The following MARCHF3 variants were observed in gnomAD, a reference collection of about 807,000 sequenced individuals.
MARCHF3 encodes the protein E3 ubiquitin-protein ligase MARCHF3.
In MARCHF3, 13 loss-of-function variants were observed where a neutral mutation model predicts 24.2. The observed-to-expected ratio is 0.54, with a 90% CI of 0.35 to 0.85. MARCHF3 has a LOEUF of 0.85. Ranked by LOEUF, MARCHF3 falls within the 40% of genes least tolerant of loss-of-function variation. The pLI, the probability that MARCHF3 is intolerant of heterozygous loss-of-function variation, is 0.01. For synonymous variants in MARCHF3, 144 were observed against 137.3 expected, an observed-to-expected ratio of 1.05 and a Z score of -0.34; for missense variants, 276 against 325.0, an observed-to-expected ratio of 0.85 and a Z score of 1.16.
intron 1 of MARCHF3, among the ~76,000 whole-genome samples, chr5:126,968,889 T>C (rs60085452): frequency 0.014 from 2,067 of 152,308 alleles, 51 homozygotes; most frequent in African/African-American, 0.048. Context: ...AAGAATTCTT[T>C]ATATGTTCTG....
At chr5:126,976,733 T>G (rs970252826) in intron 1 of MARCHF3, among the ~76,000 whole-genome samples, 2 of 152,228 alleles carry the variant, frequency 1.3e-5, no homozygotes, top group Non-Finnish European at 2.9e-5. Context: ...CATCTGCAGT[T>G]GCACACATGG....
chr5:126,938,270 C>T (rs918713970), intron 1 of MARCHF3, among the ~76,000 whole-genome samples: 3 of 149,674 alleles, frequency 2.0e-5, no homozygotes, highest in Admixed American at 6.7e-5. Flanking sequence ...CAGGTTCAAG[C>T]GATTCTGATG....
chr5:127,017,401 C>G (rs965846509), intron 1 of MARCHF3, among the ~76,000 whole-genome samples: 4 of 152,142 alleles, frequency 2.6e-5, no homozygotes, highest in Non-Finnish European at 4.4e-5. Flanking sequence ...TCAAACTTCC[C>G]TCTTGTACAG....
At chr5:126,990,804 T>G (rs1751733497) in intron 1 of MARCHF3, among the ~76,000 whole-genome samples, 1 of 152,192 alleles carries the variant, frequency 6.6e-6, no homozygotes, top group Non-Finnish European at 1.5e-5. Flanking sequence ...AAAGTGCTCA[T>G]CATCACTGGT....
chr5:126,947,714 T>TA (rs749927542), intron 1 of MARCHF3, among the ~76,000 whole-genome samples: 77 of 152,208 alleles, frequency 5.1e-4, no homozygotes, highest in Non-Finnish European at 7.6e-4. Context: ...AACAAGTCTT[T>TA]AAAAAAATGA....
chr5:126,985,828 A>T (rs1751547993), intron 1 of MARCHF3, among the ~76,000 whole-genome samples: 1 of 152,086 alleles, frequency 6.6e-6, no homozygotes, highest in Admixed American at 6.6e-5. Flanking sequence ...GAAAACACAC[A>T]GTTGTTTTTG....
intron 3 of MARCHF3, among the ~76,000 whole-genome samples, chr5:126,904,603 G>A (rs1287703724): frequency 1.2e-4 from 18 of 150,072 alleles, no homozygotes; most frequent in Admixed American, 5.9e-4. Context: ...TTGGCTGCAT[G>A]AATGTCTTCT....
intron 1 of MARCHF3, among the ~76,000 whole-genome samples, chr5:126,961,667 A>T (rs1253886507): frequency 2.0e-5 from 3 of 152,154 alleles, no homozygotes; most frequent in East Asian, 1.9e-4. Context: ...TATTCTTTGG[A>T]TCTAATAAGA....
intron 1 of MARCHF3, among the ~76,000 whole-genome samples, chr5:126,941,622 A>G (rs75827735): frequency 0.014 from 2,076 of 152,308 alleles, 56 homozygotes; most frequent in African/African-American, 0.048. Context: ...CTAGGACTGC[A>G]TTAAAGTAAG....
chr5:126,965,855 A>G (rs975989957), intron 1 of MARCHF3, among the ~76,000 whole-genome samples: 3 of 152,254 alleles, frequency 2.0e-5, no homozygotes, highest in African/African-American at 4.8e-5. Context: ...TATATTTAAC[A>G]TATGACCCAA....
intron 1 of MARCHF3, among the ~76,000 whole-genome samples, chr5:126,961,972 G>A (rs959977468): frequency 6.6e-6 from 1 of 152,176 alleles, no homozygotes; most frequent in East Asian, 1.9e-4. Flanking sequence ...GGACAAGCTT[G>A]AGAGTGATAA....
In MARCHF3 at chr5:127,016,230, C is replaced by T. The variant is rs978593915; in HGVS notation, c.-57+14120G>A. On this transcript the variant is annotated intron_variant, in intron 1 of 4. Coordinates refer to ENST00000308660, the MANE Select transcript of MARCHF3 (RefSeq NM_178450.5). ...CACTGTGGGACTTAGAACACATTCCCTGCAGACAAGGGTGAACTACTGTTA... is the reference window on the plus strand; with the variant it reads ...CACTGTGGGACTTAGAACACATTCCTTGCAGACAAGGGTGAACTACTGTTA... Among the ~76,000 whole-genome samples, 9 of 152,234 alleles carry T rather than the reference C, an allele frequency of 5.9e-5. No individual in the cohort carries two copies. In the East Asian group the frequency reaches 1.4e-3, roughly 23 times the overall value.
rs542896525 is a variant in MARCHF3 at position 127,023,502 on chromosome 5, G to C, written c.-57+6848C>G. On this transcript the variant is annotated intron_variant, in intron 1 of 4. Coordinates refer to ENST00000308660, the MANE Select transcript of MARCHF3 (RefSeq NM_178450.5). Reference sequence around the variant, plus strand: ...CCCCAGCACTTTGGGAAGCTGAGGTGGGCAGATCACTTGAGGTCAGGAGTT... The same window carrying C: ...CCCCAGCACTTTGGGAAGCTGAGGTCGGCAGATCACTTGAGGTCAGGAGTT... Among the ~76,000 whole-genome samples, 4 of 152,208 alleles carry C rather than the reference G, an allele frequency of 2.6e-5. No homozygotes were observed. In the South Asian group the frequency reaches 8.3e-4, roughly 32 times the overall value.
At chr5:126,873,382 C>T (rs186944930) in intron 4 of MARCHF3, among the ~76,000 whole-genome samples, 11 of 151,410 alleles carry the variant, frequency 7.3e-5, no homozygotes, top group Admixed American at 1.3e-4. Flanking sequence ...TTTTGTGACA[C>T]CCTTTAGATA....
intron 1 of MARCHF3, among the ~76,000 whole-genome samples, chr5:126,921,217 C>T (rs1240513849): frequency 6.6e-6 from 1 of 152,066 alleles, no homozygotes; most frequent in Non-Finnish European, 1.5e-5. Context: ...CCTGAAAGAC[C>T]GTGGACTTGA....
chr5:126,998,464 C>G (rs61031864), intron 1 of MARCHF3, among the ~76,000 whole-genome samples: 3,101 of 152,236 alleles, frequency 0.02, 75 homozygotes, highest in South Asian at 0.12. Flanking sequence ...TTTGGCCTTT[C>G]ACCAACATGC....
chr5:126,894,692 C>G (rs1050956345), intron 3 of MARCHF3, among the ~76,000 whole-genome samples: 22 of 152,044 alleles, frequency 1.4e-4, no homozygotes, highest in South Asian at 6.2e-4. Context: ...TGAGGGTAAC[C>G]CGCCCTTTCT....
intron 3 of MARCHF3, among the ~76,000 whole-genome samples, chr5:126,904,152 T>C (rs1754204033): frequency 1.3e-5 from 2 of 149,222 alleles, no homozygotes; most frequent in South Asian, 4.3e-4. Flanking sequence ...CTCATCATTT[T>C]TTATGGCTGC....
rs1171336492 is a variant in MARCHF3 at position 126,905,737 on chromosome 5, G to A, written c.393+9193C>T. ...TGGGCTGAGGCAATGGGGTTTTCTA[G>A]ATATACAATCATGTCGTCTGCAAAC... On this transcript the variant is annotated intron_variant, in intron 3 of 4. Coordinates refer to ENST00000308660, the MANE Select transcript of MARCHF3 (RefSeq NM_178450.5). Among the ~76,000 whole-genome samples, 3 of 151,808 alleles carry A rather than the reference G, an allele frequency of 2.0e-5. No individual in the cohort carries two copies. The East Asian group carries it at 5.8e-4, about 29-fold the overall frequency.
Sources: gnomAD v4.1 joint callset for allele counts (sites outside exome capture counted in the v4.1 genomes callset) on GRCh38, gnomAD v4.1.1 for gene constraint, MANE v1.5 for transcripts, NCBI Gene and HGNC (gene_info 2026-07-23, HGNC 2026-07-21) for gene names.